LPGAT1: variants seen among roughly 807,000 people sequenced by gnomAD.
LPGAT1 encodes the protein lysophosphatidylglycerol acyltransferase 1, also known as acyl-CoA:lysophosphatidylglycerol acyltransferase 1.
Under a neutral mutation model 47.5 loss-of-function variants are expected in LPGAT1, and 11 were observed. The ratio of observed to expected loss-of-function variants is 0.23; its 90% CI spans 0.15 to 0.38. The LOEUF is 0.38. Among genes scored for constraint, LPGAT1 ranks in the 10% least tolerant of loss-of-function variants. The pLI, the probability that LPGAT1 is intolerant of heterozygous loss-of-function variation, is 1.00. For synonymous variants in LPGAT1, 138 were observed against 144.2 expected (o/e 0.96, Z 0.31); for missense variants, 293 against 439.0 (o/e 0.67, Z 2.97).
At chr1:211,776,532 A>C (rs1254746134) in intron 6 of LPGAT1, among the ~76,000 whole-genome samples, 1 of 152,202 alleles carries the variant, frequency 6.6e-6, no homozygotes, top group Non-Finnish European at 1.5e-5. Flanking sequence ...CTCAAAAAAA[A>C]ACAAACTAGC....
intron 2 of LPGAT1, among the ~76,000 whole-genome samples, chr1:211,825,308 T>G (rs1016043621): frequency 9.9e-5 from 15 of 151,308 alleles, no homozygotes; most frequent in African/African-American, 3.6e-4. Context: ...TCTCCCACCT[T>G]GGCTTCCCAA....
chr1:211,800,608 G>A (rs7526682), intron 2 of LPGAT1, among the ~76,000 whole-genome samples: 1 of 152,126 alleles, frequency 6.6e-6, no homozygotes, highest in African/African-American at 2.4e-5. Flanking sequence ...GGCATTTTGG[G>A]TGAAGCAATT....
rs370753583 is a variant in LPGAT1 at position 211,749,929 on chromosome 1, G to C, written c.1083C>G (p.Ile361Met). The change falls in exon 8 of 8, where the codon ATC (isoleucine) becomes ATG (methionine). Residue 361 changes from isoleucine to methionine, a missense_variant. Ile to Met is a conservative substitution (Grantham distance 10). Coordinates refer to ENST00000366997, the MANE Select transcript of LPGAT1 (RefSeq NM_014873.3). ...AFLSGYMWYN[I>M]IQYFYHCLF is the part of the protein sequence containing the mutation. Reference sequence around the variant, plus strand: ...ACAGGCAATGGTAAAAATACTGAATGATGTTGTACCACATATAGCCTGACA... The same window carrying C: ...ACAGGCAATGGTAAAAATACTGAATCATGTTGTACCACATATAGCCTGACA... The C allele has an allele frequency of 2.2e-5, 35 of 1,613,830 alleles. No homozygotes were observed. Among genetic ancestry groups the C allele is most frequent in the East Asian group, 2.0e-4 (9 of 44,864 alleles).
At chr1:211,815,773 CTTTTTTTTTTT>C (rs938719098) in intron 2 of LPGAT1, among the ~76,000 whole-genome samples, 4 of 101,846 alleles carry the variant, frequency 3.9e-5, no homozygotes, top group African/African-American at 1.1e-4. Context: ...AAATGCTTTT[CTTTTTTTTTTT>C]TTTTTTTTTT....
At chr1:211,799,861 A>T (rs1659501624) in intron 2 of LPGAT1, among the ~76,000 whole-genome samples, 1 of 152,170 alleles carries the variant, frequency 6.6e-6, no homozygotes, top group Admixed American at 6.5e-5. Context: ...AGTCTTCCCC[A>T]TCTTAGCAAA....
At chr1:211,761,297 T>C (rs1447796392) in intron 6 of LPGAT1, among the ~76,000 whole-genome samples, 3 of 152,168 alleles carry the variant, frequency 2.0e-5, no homozygotes, top group Admixed American at 6.5e-5. Context: ...GGCACCCTTC[T>C]CATTAAAAAC....
At chr1:211,802,383 A>G (rs2102572123) in intron 2 of LPGAT1, among the ~76,000 whole-genome samples, 1 of 152,178 alleles carries the variant, frequency 6.6e-6, no homozygotes, top group South Asian at 2.1e-4. Flanking sequence ...TGTGAAAGAG[A>G]GCAAAGCAAA....
chr1:211,795,586 T>C (rs1051941686), intron 2 of LPGAT1, among the ~76,000 whole-genome samples: 3 of 152,138 alleles, frequency 2.0e-5, no homozygotes, highest in African/African-American at 7.2e-5. Context: ...AGGCTGGTCT[T>C]CAACTCCCAA....
At chr1:211,751,567 TA>T (rs1325979011) in intron 6 of LPGAT1, among the ~76,000 whole-genome samples, 3 of 152,076 alleles carry the variant, frequency 2.0e-5, no homozygotes, top group Non-Finnish European at 2.9e-5. Flanking sequence ...TGAATAGGGG[TA>T]ACTTTTACCG....
chr1:211,828,345 G>A (rs1206716869), intron 2 of LPGAT1, among the ~76,000 whole-genome samples: 1 of 152,076 alleles, frequency 6.6e-6, no homozygotes, highest in Non-Finnish European at 1.5e-5. Flanking sequence ...AAGCATATAA[G>A]GTTTATCTCA....
Position 211,749,848 on chromosome 1 carries a change from T to C in LPGAT1, c.*51A>G. 7.0e-6 allele frequency: 11 copies of C among 1,575,356 alleles called. No homozygotes were observed. The highest frequency in any genetic ancestry group is 9.5e-6 in the Non-Finnish European group (11 of 1,156,064). The stretch of plus-strand genomic sequence containing the variant: ...GCACATGTAAAATAATGCACACTTA[T>C]GAAAGAAAGTCTGAACTCCTACGGT... On this transcript the variant is annotated 3_prime_UTR_variant, in exon 8 of 8. Coordinates refer to ENST00000366997, the MANE Select transcript of LPGAT1 (RefSeq NM_014873.3).
At chr1:211,769,135 C>T (rs760300818) in intron 6 of LPGAT1, among the ~76,000 whole-genome samples, 5 of 151,966 alleles carry the variant, frequency 3.3e-5, no homozygotes, top group Non-Finnish European at 7.4e-5. Flanking sequence ...TTGGAATTCT[C>T]CAGCGGACAA....
Position 211,748,674 on chromosome 1 carries a change from G to T in LPGAT1, c.*1225C>A, listed in dbSNP as rs1404302200. On this transcript the variant is annotated 3_prime_UTR_variant, in exon 8 of 8. Transcript: ENST00000366997. ...CACTACAGCCTGGGTGACAGAGTAA[G>T]ACCTGTCTAAAAAAAAAAGAAAAAA... is the stretch of plus-strand genomic sequence containing the variant. 2 of 152,516 alleles carry T rather than the reference G, an allele frequency of 1.3e-5. No individual in the cohort carries two copies. The highest frequency in any genetic ancestry group is 6.6e-5 in the Admixed American group (1 of 15,250). 9.4% of individuals were successfully genotyped at this position (152,516 alleles called of 1,614,324 possible). A position where few individuals can be genotyped will look rare whatever the true frequency, so the allele number is the denominator to read the frequency against.
At chr1:211,768,268 T>C (rs949683612) in intron 6 of LPGAT1, among the ~76,000 whole-genome samples, 7 of 152,264 alleles carry the variant, frequency 4.6e-5, no homozygotes, top group African/African-American at 1.7e-4. Flanking sequence ...AAAATGCTTT[T>C]GTTGCAATTA....
intron 6 of LPGAT1, among the ~76,000 whole-genome samples, chr1:211,771,130 A>G (rs1658152051): frequency 6.6e-6 from 1 of 151,290 alleles, no homozygotes; most frequent in Non-Finnish European, 1.5e-5. Context: ...TTTATACGGT[A>G]TTTTTACTGT....
At position 211,744,850 on chromosome 1, in the gene LPGAT1, T is replaced by C. The variant is rs1366712411; in HGVS notation, c.*5049A>G. 3 of 152,670 alleles carry C rather than the reference T, an allele frequency of 2.0e-5. No individual in the cohort carries two copies. Among genetic ancestry groups the C allele is most frequent in the Non-Finnish European group, 4.4e-5 (3 of 68,066 alleles). The allele number at this position is 152,670 out of a possible 1,614,324, so 9.5% of individuals were successfully genotyped here. ...GAAGGAAGTCTGATGTTTTTTCATT[T>C]GGTTTTTCAGTTTGCCTTCAGCATC... is the stretch of plus-strand genomic sequence containing the variant. On this transcript the variant is annotated 3_prime_UTR_variant, in exon 8 of 8. Coordinates refer to ENST00000366997, the MANE Select transcript of LPGAT1 (RefSeq NM_014873.3).
chr1:211,830,247 G>C lies in LPGAT1; in HGVS notation c.-28+326C>G. The C allele has an allele frequency of 1.0e-6, 1 of 990,714 alleles. No homozygotes were observed. The highest frequency in any genetic ancestry group is 1.7e-5 in the African/African-American group (1 of 57,338). The allele number at this position is 990,714 out of a possible 1,614,324, so 61.4% of individuals were successfully genotyped here. On this transcript the variant is annotated intron_variant, in intron 1 of 7. Coordinates refer to ENST00000366997, the MANE Select transcript of LPGAT1 (RefSeq NM_014873.3). This position sits in a 1 kb window ranked among gnomAD's most constrained non-coding sequence, Gnocchi z 5.9. ...GGCGGGTGTCCCCCGCCGAGGGGTCGCGGTCATGGACGCGGTGGCGGCCCA... is the reference window on the plus strand; with the variant it reads ...GGCGGGTGTCCCCCGCCGAGGGGTCCCGGTCATGGACGCGGTGGCGGCCCA...
chr1:211,798,777 C>T (rs1245434839), intron 2 of LPGAT1, among the ~76,000 whole-genome samples: 1 of 152,198 alleles, frequency 6.6e-6, no homozygotes, highest in Non-Finnish European at 1.5e-5. Flanking sequence ...AGAACTGTGG[C>T]TTTCAGCAGT....
chr1:211,758,836 T>C (rs1403447406), intron 6 of LPGAT1, among the ~76,000 whole-genome samples: 2 of 152,240 alleles, frequency 1.3e-5, no homozygotes. Flanking sequence ...TTTTTATAGA[T>C]ACCATTAATC....
Sources: allele counts gnomAD v4.1 joint callset (sites outside exome capture counted in the v4.1 genomes callset), GRCh38; gene constraint gnomAD v4.1.1; non-coding constraint Gnocchi (gnomAD v3.1); transcripts MANE v1.5; gene names NCBI Gene and HGNC (gene_info 2026-07-23, HGNC 2026-07-21).